HECW2: variants seen among roughly 807,000 people sequenced by gnomAD.
HECW2 encodes the protein HECT, C2 and WW domain containing E3 ubiquitin protein ligase 2, also known as E3 ubiquitin-protein ligase HECW2.
A neutral mutation model predicts 175.2 loss-of-function variants in HECW2; 61 were observed. The ratio of observed to expected loss-of-function variants is 0.35; its 90% CI spans 0.28 to 0.43. The LOEUF (loss-of-function observed/expected upper bound fraction) is 0.43, where lower values mean the gene tolerates loss of function less well. Ranked by LOEUF, HECW2 falls within the 20% of genes least tolerant of loss-of-function variation. HECW2 has a pLI of 1.00. For synonymous variants in HECW2, 671 were observed against 731.0 expected, an observed-to-expected ratio of 0.92 and a Z score of 1.32; for missense variants, 1,524 against 2,000.5, an observed-to-expected ratio of 0.76 and a Z score of 4.54.
chr2:196,381,917 T>G (rs1694217218), intron 2 of HECW2, among the ~76,000 whole-genome samples: 1 of 152,196 alleles, frequency 6.6e-6, no homozygotes, highest in Non-Finnish European at 1.5e-5. Flanking sequence ...ATTACAGCAC[T>G]ATTTGTTTGT....
intron 10 of HECW2, chr2:196,316,961 G>A (rs1691721690): frequency 3.7e-6 from 1 of 272,376 alleles, no homozygotes; most frequent in African/African-American, 2.1e-5. Context: ...GAACATTCAT[G>A]CTGTGGTTAG....
chr2:196,442,202 T>C (rs1349206404), intron 1 of HECW2, among the ~76,000 whole-genome samples: 3 of 152,156 alleles, frequency 2.0e-5, no homozygotes, highest in Admixed American at 1.3e-4. Flanking sequence ...TTCAATTATT[T>C]AATTAAAACC....
chr2:196,362,475 T>A (rs1693623516), intron 2 of HECW2, among the ~76,000 whole-genome samples: 1 of 151,970 alleles, frequency 6.6e-6, no homozygotes, highest in South Asian at 2.1e-4. Flanking sequence ...ACCTGAGAAC[T>A]CCAACTTACC....
intron 15 of HECW2, among the ~76,000 whole-genome samples, chr2:196,278,133 A>AAAAAAATATATATATAT (rs531920307): frequency 1.5e-5 from 1 of 66,570 alleles, no homozygotes; most frequent in Non-Finnish European, 3.3e-5. Flanking sequence ...ATAATTAAAA[A>AAAAAAATATATATATAT]ATATATATAT....
chr2:196,325,064 G>C lies in HECW2; in HGVS notation c.657C>G (p.Ser219Arg). The change falls in exon 6 of 29, where the codon AGC becomes AGG. Residue 219 changes from serine to arginine, a missense_variant. Coordinates refer to ENST00000644978, the MANE Select transcript of HECW2 (RefSeq NM_001348768.2). ...LKMSIQPGKK[S>R]SFPTCAHHGQ... is the part of the protein sequence containing the mutation. ...CGTGGTGGGCACAGGTGGGGAAACT[G>C]CTCTTCTTTCCTGGCTGAATTGACA... 1 of 1,612,624 alleles carries C rather than the reference G, an allele frequency of 6.2e-7. No homozygotes were observed. Among genetic ancestry groups the C allele is most frequent in the Non-Finnish European group, 8.5e-7 (1 of 1,179,390 alleles).
chr2:196,344,333 A>AAT, intron 2 of HECW2, among the ~76,000 whole-genome samples: 2 of 150,324 alleles, frequency 1.3e-5, no homozygotes, highest in South Asian at 4.2e-4. Context: ...AAAAAAAAAA[A>AAT]AAAAAAAAAA....
intron 21 of HECW2, among the ~76,000 whole-genome samples, chr2:196,233,921 T>A (rs966249519): frequency 4.6e-5 from 7 of 152,286 alleles, no homozygotes; most frequent in Admixed American, 4.6e-4. Flanking sequence ...CTCCTTCAGA[T>A]CTCATCCTCC....
intron 1 of HECW2, among the ~76,000 whole-genome samples, chr2:196,459,355 G>C (rs998105865): frequency 6.6e-6 from 1 of 152,120 alleles, no homozygotes; most frequent in Non-Finnish European, 1.5e-5. Flanking sequence ...CAGTTAAAGG[G>C]GGGAAAAGTA....
At chr2:196,381,615 C>T (rs1694209112) in intron 2 of HECW2, among the ~76,000 whole-genome samples, 1 of 152,054 alleles carries the variant, frequency 6.6e-6, no homozygotes, top group African/African-American at 2.4e-5. Flanking sequence ...CAGACATTTG[C>T]CTCCTACCAG....
intron 2 of HECW2, among the ~76,000 whole-genome samples, chr2:196,364,148 T>C (rs1206945637): frequency 6.6e-6 from 1 of 152,190 alleles, no homozygotes; most frequent in Admixed American, 6.5e-5. Context: ...CAAGCAATGA[T>C]TCTTTGCCTT....
In HECW2 at chr2:196,346,394, C is replaced by T. The variant is rs191647730; in HGVS notation, c.293-2630G>A. On this transcript the variant is annotated intron_variant, in intron 2 of 28. Transcript: ENST00000644978. The stretch of plus-strand genomic sequence containing the variant: ...AGATCCTGAGGCTCCTTTACATGGT[C>T]CCTAGAAGGGAGCTTGGACAGAGAA... 6.7e-4 allele frequency among the ~76,000 whole-genome samples: 102 copies of T among 152,216 alleles called. 2 individuals are homozygous for T. The East Asian group carries it at 0.018, about 27-fold the overall frequency.
chr2:196,476,403 A>C (rs1686617480), intron 1 of HECW2, among the ~76,000 whole-genome samples: 1 of 151,420 alleles, frequency 6.6e-6, no homozygotes, highest in Non-Finnish European at 1.5e-5. Context: ...GGATTGTGCC[A>C]CTGCACTCCA....
chr2:196,320,094 A>G (rs1408896071), intron 8 of HECW2, among the ~76,000 whole-genome samples, 190 bp from the exon 9 acceptor site: 1 of 152,192 alleles, frequency 6.6e-6, no homozygotes, highest in Non-Finnish European at 1.5e-5. Flanking sequence ...GGAGCTATGT[A>G]TGTTAGCATG....
At chr2:196,292,956 C>T (rs1172875898) in intron 13 of HECW2, among the ~76,000 whole-genome samples, 1 of 152,142 alleles carries the variant, frequency 6.6e-6, no homozygotes, top group Non-Finnish European at 1.5e-5. Context: ...GAAGGTAAGG[C>T]AGTATCCACA....
At chr2:196,334,609 GA>G (rs759613002) in intron 3 of HECW2, 91 bp from the exon 4 acceptor site, 8 of 975,526 alleles carry the variant, frequency 8.2e-6, no homozygotes, top group Non-Finnish European at 1.3e-5. Context: ...ACCTCTCAGG[GA>G]ATCCTACTCA....
chr2:196,202,869 T>C (rs115678637), intron 28 of HECW2, among the ~76,000 whole-genome samples: 67 of 152,312 alleles, frequency 4.4e-4, no homozygotes, highest in African/African-American at 1.6e-3. Flanking sequence ...TGCATATATA[T>C]AATGAGATAT....
chr2:196,280,429 A>C (rs960645337), intron 14 of HECW2, among the ~76,000 whole-genome samples: 2 of 152,214 alleles, frequency 1.3e-5, no homozygotes, highest in African/African-American at 4.8e-5. Context: ...GAAATGGGGC[A>C]GGTCCCATAT....
chr2:196,275,609 G>A (rs967011592), intron 15 of HECW2, among the ~76,000 whole-genome samples: 4 of 152,044 alleles, frequency 2.6e-5, no homozygotes, highest in Non-Finnish European at 4.4e-5. Flanking sequence ...AAAATTAGCC[G>A]GGCGCGGTGG....
chr2:196,299,442 G>A (rs919768829), intron 13 of HECW2, among the ~76,000 whole-genome samples: 2 of 152,020 alleles, frequency 1.3e-5, no homozygotes, highest in African/African-American at 4.8e-5. Flanking sequence ...GACATTTAAT[G>A]CAAAATCTCT....
Sources: gnomAD v4.1 joint callset for allele counts (sites outside exome capture counted in the v4.1 genomes callset) on GRCh38, gnomAD v4.1.1 for gene constraint, MANE v1.5 for transcripts, NCBI Gene and HGNC (gene_info 2026-07-23, HGNC 2026-07-21) for gene names.